The following SLC9A7 variants were observed in gnomAD, a reference collection of about 807,000 sequenced individuals.
The protein encoded by SLC9A7 is solute carrier family 9 member A7.
SLC9A7 carries 19 observed loss-of-function variants against 52.6 expected under a neutral mutation model. The ratio of observed to expected loss-of-function variants is 0.36; its 90% CI spans 0.25 to 0.53. The LOEUF is 0.53. SLC9A7 is among the 20% of genes least tolerant of loss of function. SLC9A7 has a pLI of 0.91. For missense variants in SLC9A7, 455 were observed against 597.9 expected (o/e 0.76, Z 2.49); for synonymous variants, 226 against 252.1 (o/e 0.90, Z 0.98).
chrX:46,753,250 A>C (rs1354911260), intron 1 of SLC9A7, among the ~76,000 whole-genome samples: 2 of 111,849 alleles, frequency 1.8e-5, no homozygotes, highest in African/African-American at 6.5e-5. Flanking sequence ...CAGGCCATTT[A>C]GAATAATATA....
chrX:46,635,889 G>T (rs1602159007), intron 12 of SLC9A7, among the ~76,000 whole-genome samples: 1 of 111,896 alleles, frequency 8.9e-6, no homozygotes, highest in African/African-American at 3.2e-5. Flanking sequence ...GAATGAGGAT[G>T]AGCCCCTCAA....
chrX:46,678,437 T>TTTATTTA (rs1457138892), intron 3 of SLC9A7, among the ~76,000 whole-genome samples: 9 of 104,787 alleles, frequency 8.6e-5, no homozygotes, highest in African/African-American at 3.1e-4. Context: ...TATTTATTTA[T>TTTATTTA]TTATTTATTT....
At chrX:46,670,896 T>A (rs374276887) in intron 4 of SLC9A7, among the ~76,000 whole-genome samples, 1 of 111,709 alleles carries the variant, frequency 9.0e-6, no homozygotes, top group African/African-American at 3.3e-5. Flanking sequence ...GAACAAGACC[T>A]TCCTCTCCAT....
chrX:46,680,247 G>T (rs1944190585), intron 2 of SLC9A7, among the ~76,000 whole-genome samples: 1 of 109,170 alleles, frequency 9.2e-6, no homozygotes, highest in African/African-American at 3.3e-5. Context: ...TACTTGGGAG[G>T]CTGAGGCAGG....
chrX:46,688,291 C>T (rs6611286), intron 1 of SLC9A7, among the ~76,000 whole-genome samples: 1 of 111,558 alleles, frequency 9.0e-6, no homozygotes, highest in East Asian at 2.8e-4. Context: ...TTCTCGCCAG[C>T]AACACATGAG....
chrX:46,741,484 A>G (rs757725008), intron 1 of SLC9A7, among the ~76,000 whole-genome samples: 11 of 111,796 alleles, frequency 9.8e-5, no homozygotes, highest in Non-Finnish European at 1.9e-4. Flanking sequence ...CCACACAAAT[A>G]TGGACAATTG....
chrX:46,750,432 G>C (rs1300369863), intron 1 of SLC9A7, among the ~76,000 whole-genome samples: 3 of 112,015 alleles, frequency 2.7e-5, no homozygotes, highest in African/African-American at 9.7e-5. Flanking sequence ...CTGCAGCCTT[G>C]ACCTCCCAGG....
intron 10 of SLC9A7, among the ~76,000 whole-genome samples, chrX:46,650,299 AAT>A (rs1176230304): frequency 1.8e-5 from 2 of 111,966 alleles, no homozygotes; most frequent in East Asian, 5.6e-4. Flanking sequence ...AGTTCACTTT[AAT>A]AAAAACATAG....
intron 1 of SLC9A7, among the ~76,000 whole-genome samples, chrX:46,691,685 G>A (rs927353024): frequency 8.9e-6 from 1 of 111,841 alleles, no homozygotes; most frequent in Non-Finnish European, 1.9e-5. Flanking sequence ...TATTGGGGAT[G>A]GAGGTTAGGA....
rs368388682 is a variant in SLC9A7 at position 46,648,675 on chromosome X, C to G, written c.1462+11G>C. The G allele has an allele frequency of 8.8e-7, 1 of 1,140,694 alleles. No homozygotes were observed. The highest frequency in any genetic ancestry group is 1.2e-6 in the Non-Finnish European group (1 of 831,539). 94.0% of individuals were successfully genotyped at this position (1,140,694 alleles called of 1,213,427 possible). A position where few individuals can be genotyped will look rare whatever the true frequency, so the allele number is the denominator to read the frequency against. ...ATAAAACTCATTTTCTTTACACTTA[C>G]GCCTTTTTACCTGAAAACATCATCA... is the stretch of plus-strand genomic sequence containing the variant. On this transcript the variant is annotated intron_variant, in intron 11 of 16. Transcript: ENST00000616978.
At chrX:46,633,150 C>G (rs1280823364) in intron 13 of SLC9A7, among the ~76,000 whole-genome samples, 1 of 106,919 alleles carries the variant, frequency 9.4e-6, no homozygotes, top group Non-Finnish European at 1.9e-5. Flanking sequence ...TGATATCAAC[C>G]AAGTATGAAA....
intron 3 of SLC9A7, among the ~76,000 whole-genome samples, chrX:46,678,905 G>A (rs1944166094): frequency 9.0e-6 from 1 of 110,926 alleles, no homozygotes; most frequent in Admixed American, 9.6e-5. Flanking sequence ...TTATGTGTGT[G>A]CATAGTTCCC....
intron 1 of SLC9A7, among the ~76,000 whole-genome samples, chrX:46,714,091 T>G (rs1275686923): frequency 9.0e-6 from 1 of 111,342 alleles, no homozygotes; most frequent in Non-Finnish European, 1.9e-5. Context: ...TCAGTCAGTG[T>G]AGTCTAAGAA....
rs886189212 is a variant in SLC9A7 at position 46,604,307 on chromosome X, G to A, written c.*2645C>T. On this transcript the variant is annotated 3_prime_UTR_variant, in exon 17 of 17. Transcript: ENST00000616978. ...CCTTCACTAGCCTAGTTGACCCTGA[G>A]GGCTCATGGGTTTGGATAGGTTGTT... is the stretch of plus-strand genomic sequence containing the variant. 2 of 112,305 alleles carry A rather than the reference G, an allele frequency of 1.8e-5. No individual in the cohort carries two copies. Among genetic ancestry groups the A allele is most frequent in the African/African-American group, 6.5e-5 (2 of 30,864 alleles). The allele number at this position is 112,305 out of a possible 1,213,427, so 9.3% of individuals were successfully genotyped here. A position where few individuals can be genotyped will look rare whatever the true frequency, so the allele number is the denominator to read the frequency against.
At chrX:46,692,606 T>G (rs1944396016) in intron 1 of SLC9A7, among the ~76,000 whole-genome samples, 1 of 111,751 alleles carries the variant, frequency 8.9e-6, no homozygotes, top group African/African-American at 3.3e-5. Context: ...CAGAGTCATC[T>G]TGGGGAACCA....
intron 10 of SLC9A7, among the ~76,000 whole-genome samples, chrX:46,650,559 G>C (rs1002381136): frequency 6.3e-5 from 7 of 110,876 alleles, no homozygotes; most frequent in African/African-American, 2.3e-4. Context: ...GGAAGCTTGA[G>C]AAAAAGTAGG....
chrX:46,662,153 T>C lies in SLC9A7; in HGVS notation c.904A>G (p.Ile302Val), dbSNP rs1569512891. ...DAVAIVLSSS[I>V]VAYQPAGLNT... ...AGTCCCGCTGGCTGGTAGGCAACAATAGACCTAAAGTTTAAAAACAAGAGA... is the reference window on the plus strand; with the variant it reads ...AGTCCCGCTGGCTGGTAGGCAACAACAGACCTAAAGTTTAAAAACAAGAGA... Residue 302 changes from isoleucine to valine, a missense_variant, in exon 7 of 17, where the codon ATT (isoleucine) becomes GTT (valine). Coordinates refer to ENST00000616978, the MANE Select transcript of SLC9A7 (RefSeq NM_001257291.2). The C allele has an allele frequency of 8.3e-7, 1 of 1,203,399 alleles. No individual in the cohort carries two copies.
chrX:46,636,033 ATATT>A (rs1404285755), intron 12 of SLC9A7, among the ~76,000 whole-genome samples: 46 of 112,537 alleles, frequency 4.1e-4, no homozygotes, highest in African/African-American at 1.4e-3. Flanking sequence ...TATGTTACAC[ATATT>A]TAAAGTGTTT....
chrX:46,729,127 T>C (rs1469453531), intron 1 of SLC9A7, among the ~76,000 whole-genome samples: 2 of 112,440 alleles, frequency 1.8e-5, no homozygotes, highest in Non-Finnish European at 3.8e-5. Context: ...ATGTAAATTA[T>C]ACCTCAATAA....
Sources: gnomAD v4.1 joint callset for allele counts (sites outside exome capture counted in the v4.1 genomes callset) on GRCh38, gnomAD v4.1.1 for gene constraint, MANE v1.5 for transcripts, NCBI Gene and HGNC (gene_info 2026-07-23, HGNC 2026-07-21) for gene names.